CFAP299: variants seen among roughly 807,000 people sequenced by gnomAD.
CFAP299 encodes cilia- and flagella-associated protein 299.
In CFAP299, 21 loss-of-function variants were observed where a neutral mutation model predicts 27.0. That is an observed-to-expected ratio of 0.78 (90% CI 0.55 to 1.12). CFAP299 has a LOEUF of 1.12. Among genes scored for constraint, CFAP299 ranks in the 50% most tolerant of loss-of-function variants. CFAP299 has a pLI of 0.00. For missense variants in CFAP299, 310 were observed against 276.6 expected (o/e 1.12, Z -0.86); for synonymous variants, 104 against 98.1 (o/e 1.06, Z -0.36).
chr4:80,358,292 A>G (rs374463322), intron 1 of CFAP299, among the ~76,000 whole-genome samples: 7 of 152,144 alleles, frequency 4.6e-5, no homozygotes, highest in African/African-American at 1.7e-4. Context: ...GACAGGTGGC[A>G]GTGAGAAGAA....
chr4:80,619,061 A>C (rs1738446237), intron 3 of CFAP299, among the ~76,000 whole-genome samples: 1 of 152,148 alleles, frequency 6.6e-6, no homozygotes, highest in African/African-American at 2.4e-5. Context: ...AATTTTAAGC[A>C]GTTGAATATT....
chr4:80,851,988 G>T (rs1350177252), intron 3 of CFAP299, among the ~76,000 whole-genome samples: 1 of 152,064 alleles, frequency 6.6e-6, no homozygotes, highest in African/African-American at 2.4e-5. Context: ...GGATAGATCT[G>T]GGCTTCTTTT....
Position 80,353,764 on chromosome 4 carries a change from A to G in CFAP299, c.112-8990A>G, listed in dbSNP as rs371481086. Among the ~76,000 whole-genome samples the G allele has an allele frequency of 3.8e-4, 58 of 152,356 alleles. No homozygotes were observed. The East Asian group carries it at 4.2e-3, about 11-fold the overall frequency. On this transcript the variant is annotated intron_variant, in intron 1 of 5. Coordinates refer to ENST00000358105, the MANE Select transcript of CFAP299 (RefSeq NM_152770.3). ...AAGGGCAGAGAAACTAATTAATAGT[A>G]CAGAATAGAAATAGAGAAATCACCT...
intron 2 of CFAP299, among the ~76,000 whole-genome samples, chr4:80,501,179 C>G (rs1288075496): frequency 4.6e-5 from 7 of 151,958 alleles, no homozygotes; most frequent in Non-Finnish European, 8.8e-5. Flanking sequence ...TCTAGCTTAC[C>G]TTATCCTTGC....
intron 3 of CFAP299, among the ~76,000 whole-genome samples, chr4:80,800,055 C>T (rs1321190065): frequency 1.2e-4 from 6 of 49,646 alleles, no homozygotes; most frequent in African/African-American, 1.7e-4. Context: ...ATAATAAATG[C>T]TATAATATAT....
intron 4 of CFAP299, among the ~76,000 whole-genome samples, chr4:80,926,343 T>C (rs1244778030): frequency 1.3e-5 from 2 of 152,016 alleles, no homozygotes; most frequent in East Asian, 3.9e-4. Context: ...AGGGATATAA[T>C]ATCTTATGTG....
At chr4:80,937,619 T>C (rs2110224712) in intron 4 of CFAP299, among the ~76,000 whole-genome samples, 1 of 152,260 alleles carries the variant, frequency 6.6e-6, no homozygotes, top group South Asian at 2.1e-4. Context: ...ATATGTGTCC[T>C]CAAACCTAAA....
intron 3 of CFAP299, among the ~76,000 whole-genome samples, chr4:80,743,457 G>A (rs1440259296): frequency 1.3e-5 from 2 of 151,980 alleles, no homozygotes; most frequent in Non-Finnish European, 2.9e-5. Flanking sequence ...ATATTTGATG[G>A]TGGTGATTAA....
chr4:80,674,735 TTC>T (rs1300345871), intron 3 of CFAP299, among the ~76,000 whole-genome samples: 4 of 152,184 alleles, frequency 2.6e-5, no homozygotes, highest in African/African-American at 9.7e-5. Flanking sequence ...TACTCTTTTT[TTC>T]TCTAAACTTC....
chr4:80,439,856 C>G (rs1728267819), intron 2 of CFAP299, among the ~76,000 whole-genome samples: 1 of 152,146 alleles, frequency 6.6e-6, no homozygotes, highest in South Asian at 2.1e-4. Flanking sequence ...GACACTCGAG[C>G]TTGGTGGGGG....
At chr4:80,509,818 T>A (rs1229572793) in intron 2 of CFAP299, among the ~76,000 whole-genome samples, 1 of 152,034 alleles carries the variant, frequency 6.6e-6, no homozygotes, top group Non-Finnish European at 1.5e-5. Flanking sequence ...CATGAGTTTA[T>A]CACAAAACTG....
intron 2 of CFAP299, among the ~76,000 whole-genome samples, chr4:80,448,947 C>T (rs760936185): frequency 7.9e-5 from 12 of 152,126 alleles, no homozygotes; most frequent in Non-Finnish European, 1.8e-4. Flanking sequence ...CATCTAATCT[C>T]CTACCTCCTC....
At chr4:80,931,767 C>T (rs371600273) in intron 4 of CFAP299, among the ~76,000 whole-genome samples, 8 of 151,886 alleles carry the variant, frequency 5.3e-5, no homozygotes, top group South Asian at 2.1e-4. Flanking sequence ...CACCCCTGGC[C>T]GTGTGAACCC....
At chr4:80,342,712 AAC>A (rs1722517065) in intron 1 of CFAP299, among the ~76,000 whole-genome samples, 1 of 152,170 alleles carries the variant, frequency 6.6e-6, no homozygotes, top group Non-Finnish European at 1.5e-5. Context: ...CCACTACAAA[AAC>A]ACACTGAAGT....
intron 3 of CFAP299, among the ~76,000 whole-genome samples, chr4:80,845,695 A>G (rs1044625091): frequency 6.6e-6 from 1 of 152,182 alleles, no homozygotes; most frequent in Non-Finnish European, 1.5e-5. Context: ...CGTATCTGCT[A>G]GATTTCTTCC....
chr4:80,364,079 T>A (rs1402386531), intron 2 of CFAP299, among the ~76,000 whole-genome samples: 2 of 3,500 alleles, frequency 5.7e-4, no homozygotes, highest in African/African-American at 6.8e-3. Context: ...AGAGCGAGAC[T>A]CCGTCTCAAA....
intron 3 of CFAP299, among the ~76,000 whole-genome samples, chr4:80,782,671 A>G (rs539027796): frequency 3.9e-5 from 5 of 126,838 alleles, no homozygotes; most frequent in Admixed American, 8.1e-5. Flanking sequence ...ATTCATATAT[A>G]ATATACATAT....
chr4:80,552,911 C>T (rs1454875553), intron 2 of CFAP299, among the ~76,000 whole-genome samples: 6 of 152,128 alleles, frequency 3.9e-5, no homozygotes, highest in Admixed American at 3.9e-4. Flanking sequence ...TGGTCTTGAA[C>T]TCCTGGCCCC....
At chr4:80,517,247 G>C (rs1732632130) in intron 2 of CFAP299, among the ~76,000 whole-genome samples, 1 of 152,182 alleles carries the variant, frequency 6.6e-6, no homozygotes, top group South Asian at 2.1e-4. Flanking sequence ...AAATTGTTTA[G>C]AATGAATGGA....
Sources: gnomAD v4.1 joint callset for allele counts (sites outside exome capture counted in the v4.1 genomes callset) on GRCh38, gnomAD v4.1.1 for gene constraint, MANE v1.5 for transcripts, NCBI Gene and HGNC (gene_info 2026-07-23, HGNC 2026-07-21) for gene names.